The following HHIP variants were observed in gnomAD, a reference collection of about 807,000 sequenced individuals.
HHIP encodes the protein hedgehog-interacting protein.
Under a neutral mutation model 74.0 loss-of-function variants are expected in HHIP, and 12 were observed. That is an observed-to-expected ratio of 0.16 (90% confidence interval 0.10 to 0.26). HHIP has a LOEUF of 0.26. HHIP is among the 10% of genes least tolerant of loss of function. HHIP has a pLI of 1.00. For synonymous variants in HHIP, 309 were observed against 311.6 expected (o/e 0.99, Z 0.09); for missense variants, 788 against 845.0 (o/e 0.93, Z 0.84).
chr4:144,704,995 T>C (rs1245182009), intron 4 of HHIP, among the ~76,000 whole-genome samples: 1 of 152,182 alleles, frequency 6.6e-6, no homozygotes, highest in East Asian at 1.9e-4. Flanking sequence ...TATCGGTCAT[T>C]AGAGTTTTAC....
intron 11 of HHIP, among the ~76,000 whole-genome samples, chr4:144,727,424 C>T (rs1730835933): frequency 6.6e-6 from 1 of 152,160 alleles, no homozygotes; most frequent in South Asian, 2.1e-4. Flanking sequence ...CAGTCCGTAA[C>T]AGCCCCCTTA....
intron 4 of HHIP, among the ~76,000 whole-genome samples, chr4:144,697,089 A>G (rs2126641834): frequency 1.3e-5 from 2 of 152,128 alleles, no homozygotes; most frequent in Middle Eastern, 6.8e-3. Context: ...ATGGTTCATA[A>G]TAGTTTTGTG....
At chr4:144,724,666 GTGTATATATATATATT>G (rs1466325890) in intron 11 of HHIP, among the ~76,000 whole-genome samples, 218 of 120,184 alleles carry the variant, frequency 1.8e-3, no homozygotes, top group African/African-American at 6.0e-3. Context: ...GTGTGTGTGT[GTGTATATATATATATT>G]TATATATATA....
intron 12 of HHIP, among the ~76,000 whole-genome samples, chr4:144,737,376 T>C (rs1387006708): frequency 6.6e-6 from 1 of 152,168 alleles, no homozygotes; most frequent in Middle Eastern, 3.2e-3. Context: ...GCTGGGCCAC[T>C]CCCATGTTGA....
In HHIP at chr4:144,659,702, C is replaced by G; in HGVS notation, c.695C>G (p.Ala232Gly). ...AGTGGGCTGCGGCAGCCCGTTGGTG[C>G]CCTGCATAGTGGGGATGGCTCGCAA... ...VVSGLRQPVG[A>G]LHSGDGSQRL... is the part of the protein sequence containing the mutation. The change falls in exon 4 of 13, where the codon GCC becomes GGC. Residue 232 changes from alanine to glycine, a missense_variant. Physicochemically the swap from Ala to Gly is moderately conservative, Grantham distance 60 (BLOSUM62 0). Around this residue, in one of 3 missense-constraint regions of HHIP, gnomAD observed 373 missense variants for 366.4 expected, o/e 1.02. Transcript: ENST00000296575. 1 of 1,596,646 alleles carries G rather than the reference C, an allele frequency of 6.3e-7. No homozygotes were observed. Among genetic ancestry groups the G allele is most frequent in the Non-Finnish European group, 8.5e-7 (1 of 1,173,334 alleles).
intron 4 of HHIP, among the ~76,000 whole-genome samples, chr4:144,665,620 T>A (rs1728838878): frequency 6.6e-6 from 1 of 152,228 alleles, no homozygotes; most frequent in South Asian, 2.1e-4. Flanking sequence ...AATTTTTCAT[T>A]TGGTTGAGTT....
intron 4 of HHIP, among the ~76,000 whole-genome samples, chr4:144,675,277 T>TG (rs1729142214): frequency 6.6e-6 from 1 of 152,152 alleles, no homozygotes; most frequent in Non-Finnish European, 1.5e-5. Flanking sequence ...TGAAAATGCA[T>TG]AAGAACAATT....
intron 2 of HHIP, among the ~76,000 whole-genome samples, chr4:144,658,378 TTTA>T (rs1728605752): frequency 1.3e-5 from 2 of 151,732 alleles, no homozygotes; most frequent in Admixed American, 1.3e-4. Flanking sequence ...TATTTATTTA[TTTA>T]TTTTTTCAGA....
intron 3 of HHIP, 136 bp from the exon 4 acceptor site, chr4:144,659,501 C>T (rs1728644340): frequency 1.9e-6 from 1 of 522,834 alleles, no homozygotes; most frequent in East Asian, 3.1e-5. Flanking sequence ...TATATTGTGA[C>T]CCTTGGGTTA....
At chr4:144,698,450 C>A (rs1391226216) in intron 4 of HHIP, among the ~76,000 whole-genome samples, 1 of 152,126 alleles carries the variant, frequency 6.6e-6, no homozygotes, top group East Asian at 1.9e-4. Context: ...TGCTACACAG[C>A]TTTGCAGCCT....
intron 4 of HHIP, among the ~76,000 whole-genome samples, chr4:144,688,774 A>C: frequency 6.6e-6 from 1 of 151,346 alleles, no homozygotes; most frequent in South Asian, 2.1e-4. Context: ...AGTTATATGC[A>C]AGAACGGAAG....
At chr4:144,669,527 T>G (rs1728972846) in intron 4 of HHIP, among the ~76,000 whole-genome samples, 1 of 152,160 alleles carries the variant, frequency 6.6e-6, no homozygotes, top group Admixed American at 6.5e-5. Context: ...AATTCCTCAG[T>G]CCTCAGCTTC....
At chr4:144,653,328 G>A (rs777941374) in intron 2 of HHIP, among the ~76,000 whole-genome samples, 4 of 152,156 alleles carry the variant, frequency 2.6e-5, no homozygotes, top group Non-Finnish European at 4.4e-5. Flanking sequence ...TAGGAAGAGT[G>A]GAGTCCTCTC....
chr4:144,728,189 G>A (rs1213808629), intron 11 of HHIP, among the ~76,000 whole-genome samples: 1 of 152,152 alleles, frequency 6.6e-6, no homozygotes, highest in African/African-American at 2.4e-5. Flanking sequence ...TACTGCTTTT[G>A]CCTCCTTTGA....
At chr4:144,709,291 C>G (rs573408937) in intron 7 of HHIP, among the ~76,000 whole-genome samples, 70 of 152,256 alleles carry the variant, frequency 4.6e-4, no homozygotes, top group African/African-American at 1.6e-3. Flanking sequence ...ACAGGGAATA[C>G]TTAAGGTGGG....
At chr4:144,702,141 A>C (rs1341920327) in intron 4 of HHIP, among the ~76,000 whole-genome samples, 1 of 152,138 alleles carries the variant, frequency 6.6e-6, no homozygotes, top group East Asian at 1.9e-4. Context: ...TGATAGAGTG[A>C]AACCATGTAT....
chr4:144,686,061 G>A (rs943918695), intron 4 of HHIP, among the ~76,000 whole-genome samples: 2 of 152,156 alleles, frequency 1.3e-5, no homozygotes, highest in Non-Finnish European at 1.5e-5. Flanking sequence ...ATTACACTGG[G>A]ATGTGGCTTG....
intron 4 of HHIP, among the ~76,000 whole-genome samples, chr4:144,687,816 C>G (rs1729532060): frequency 8.4e-6 from 1 of 118,718 alleles, no homozygotes; most frequent in Non-Finnish European, 1.6e-5. Flanking sequence ...ATTATCAAAA[C>G]TAAGTTTGAT....
At position 144,738,013 on chromosome 4, in the gene HHIP, A is replaced by G; in HGVS notation, c.*56A>G. The G allele has an allele frequency of 6.9e-7, 1 of 1,453,422 alleles. No homozygotes were observed. 90.0% of individuals were successfully genotyped at this position (1,453,422 alleles called of 1,614,324 possible). A position where few individuals can be genotyped will look rare whatever the true frequency, so the allele number is the denominator to read the frequency against. On this transcript the variant is annotated 3_prime_UTR_variant, in exon 13 of 13. Transcript: ENST00000296575. ...ATGGGCATTTATTTTTTATCCTGTCATTAAAAAAAAAAGACTGTTATCCTG... is the reference window on the plus strand; with the variant it reads ...ATGGGCATTTATTTTTTATCCTGTCGTTAAAAAAAAAAGACTGTTATCCTG...
Sources: allele counts gnomAD v4.1 joint callset (sites outside exome capture counted in the v4.1 genomes callset), GRCh38; gene constraint gnomAD v4.1.1; regional missense constraint gnomAD v4.1.1; transcripts MANE v1.5; gene names NCBI Gene and HGNC (gene_info 2026-07-23, HGNC 2026-07-21).